The following COL4A2 variants were observed in gnomAD, a reference collection of about 807,000 sequenced individuals.
The protein encoded by COL4A2 is collagen type IV alpha 2 chain.
In COL4A2, 99 loss-of-function variants were observed where a neutral mutation model predicts 200.2. The observed-to-expected ratio is 0.49, with a 90% confidence interval of 0.42 to 0.58. The LOEUF (loss-of-function observed/expected upper bound fraction) is 0.58, where lower values mean the gene tolerates loss of function less well. COL4A2 is among the 20% of genes least tolerant of loss of function. The pLI, the probability that COL4A2 is intolerant of heterozygous loss-of-function variation, is 0.00. For synonymous variants in COL4A2, 897 were observed against 900.6 expected (o/e 1.00, Z 0.07); for missense variants, 1,950 against 2,314.1 (o/e 0.84, Z 3.23).
At chr13:110,397,226 C>T (rs1232824689) in intron 4 of COL4A2, among the ~76,000 whole-genome samples, 2 of 152,182 alleles carry the variant, frequency 1.3e-5, no homozygotes, top group Admixed American at 6.5e-5. Context: ...CTTACAAATG[C>T]GTCAGAACAG....
chr13:110,324,249 A>G (rs939709214), intron 3 of COL4A2, among the ~76,000 whole-genome samples: 10 of 152,166 alleles, frequency 6.6e-5, no homozygotes, highest in African/African-American at 2.2e-4. Flanking sequence ...ACTCAGCTTC[A>G]TGGGCGTCAA....
chr13:110,401,500 C>T (rs1251098864), intron 4 of COL4A2, among the ~76,000 whole-genome samples: 1 of 149,974 alleles, frequency 6.7e-6, no homozygotes, highest in East Asian at 1.9e-4. Flanking sequence ...ACAAAACTTA[C>T]TTTTAAAAAG....
At chr13:110,440,800 C>G (rs1189708466) in intron 16 of COL4A2, among the ~76,000 whole-genome samples, 3 of 152,144 alleles carry the variant, frequency 2.0e-5, no homozygotes, top group Non-Finnish European at 4.4e-5. Flanking sequence ...TCCCCAGACA[C>G]CACCACTGAC....
chr13:110,444,086 G>A (rs1881234924), intron 16 of COL4A2, among the ~76,000 whole-genome samples: 1 of 152,130 alleles, frequency 6.6e-6, no homozygotes, highest in Non-Finnish European at 1.5e-5. Context: ...TTTGGCTCTT[G>A]GGGTTCCAGC....
chr13:110,490,133 T>TG (rs1428573027), intron 36 of COL4A2, among the ~76,000 whole-genome samples: 4 of 152,134 alleles, frequency 2.6e-5, no homozygotes, highest in Non-Finnish European at 5.9e-5. Context: ...AGGTGGTCGC[T>TG]GACCCGAGCT....
In COL4A2 at chr13:110,489,492, C is replaced by T. The variant is rs775013466; in HGVS notation, c.3255C>T (p.Gly1085=). ...PGRAGLYGEI[G]ATGDFGDIGD... is the part of the protein sequence containing the mutation. ...GAGCAGGCCTGTATGGCGAGATTGG[C>T]GCGACTGGTGATTTCGGTGAGTGTT... Residue 1085 remains glycine, a synonymous_variant, in exon 35 of 48, where the codon GGC becomes GGT. Transcript: ENST00000360467. The T allele has an allele frequency of 6.2e-6, 10 of 1,614,050 alleles. No homozygotes were observed. The highest frequency in any genetic ancestry group is 1.3e-5 in the African/African-American group (1 of 74,920).
intron 4 of COL4A2, among the ~76,000 whole-genome samples, chr13:110,418,947 G>A (rs145672236): frequency 1.3e-3 from 196 of 152,302 alleles, no homozygotes; most frequent in African/African-American, 4.5e-3. Flanking sequence ...AATTTTGGCC[G>A]GTGGAATTAT....
rs1312146405 is a variant in COL4A2 at position 110,357,666 on chromosome 13, A to T, written c.180+114A>T. 2.1e-6 allele frequency: 3 copies of T among 1,452,630 alleles called. No homozygotes were observed. In the African/African-American group the frequency reaches 4.2e-5, roughly 20 times the overall value. The allele number at this position is 1,452,630 out of a possible 1,614,324, so 90.0% of individuals were successfully genotyped here. On this transcript the variant is annotated intron_variant, in intron 4 of 47. Coordinates refer to ENST00000360467, the MANE Select transcript of COL4A2 (RefSeq NM_001846.4). ...GCTGGGCAGTTTCATCATTGCTTGA[A>T]CATACTGGAGAGTACTCACACAAAC... is the stretch of plus-strand genomic sequence containing the variant.
intron 28 of COL4A2, 22 bp from the exon 29 acceptor site, chr13:110,472,907 G>C (rs1245528491): frequency 1.7e-5 from 26 of 1,546,026 alleles, no homozygotes; most frequent in Non-Finnish European, 2.1e-5. Flanking sequence ...GTGGTTTGGG[G>C]CCCACCCATG....
chr13:110,466,324 C>T (rs537350113), intron 26 of COL4A2, among the ~76,000 whole-genome samples: 1 of 152,176 alleles, frequency 6.6e-6, no homozygotes, highest in African/African-American at 2.4e-5. Flanking sequence ...TCCAACTCAG[C>T]TCCACAGGCA....
intron 4 of COL4A2, among the ~76,000 whole-genome samples, chr13:110,381,851 T>G (rs973186502): frequency 6.6e-6 from 1 of 152,238 alleles, no homozygotes; most frequent in African/African-American, 2.4e-5. Flanking sequence ...GTGGTGGTGA[T>G]GATAACCCCA....
chr13:110,383,662 T>C (rs1397303586), intron 4 of COL4A2, among the ~76,000 whole-genome samples: 2 of 143,962 alleles, frequency 1.4e-5, no homozygotes, highest in Non-Finnish European at 3.0e-5. Flanking sequence ...GTCACCCAGG[T>C]TTGAGTGCAG....
intron 4 of COL4A2, among the ~76,000 whole-genome samples, chr13:110,398,450 G>A (rs1879256500): frequency 6.6e-6 from 1 of 152,138 alleles, no homozygotes; most frequent in African/African-American, 2.4e-5. Context: ...GTTGAGGTCG[G>A]GAGTTCAAGA....
At chr13:110,355,616 G>GT (rs1390340796) in intron 3 of COL4A2, among the ~76,000 whole-genome samples, 2 of 65,786 alleles carry the variant, frequency 3.0e-5, no homozygotes, top group African/African-American at 1.4e-4. Flanking sequence ...GTGTGTGTGG[G>GT]GGAGGGCTGC....
At chr13:110,318,628 CGA>C (rs1885205018) in intron 3 of COL4A2, among the ~76,000 whole-genome samples, 1 of 152,128 alleles carries the variant, frequency 6.6e-6, no homozygotes, top group African/African-American at 2.4e-5. Flanking sequence ...GATGTTGGTG[CGA>C]GTATTCAACT....
At chr13:110,441,649 AC>A (rs1881126964) in intron 16 of COL4A2, among the ~76,000 whole-genome samples, 1 of 152,206 alleles carries the variant, frequency 6.6e-6, no homozygotes, top group African/African-American at 2.4e-5. Context: ...TTGTAAAGGG[AC>A]AGAGGCTAAA....
chr13:110,327,925 G>T (rs1393138924), intron 3 of COL4A2, among the ~76,000 whole-genome samples: 1 of 152,198 alleles, frequency 6.6e-6, no homozygotes, highest in Non-Finnish European at 1.5e-5. Flanking sequence ...TCTTAGTAAA[G>T]TCTAAATAAG....
chr13:110,407,115 AT>A lies in COL4A2; in HGVS notation c.181-17617del, dbSNP rs564810492. On this transcript the variant is annotated intron_variant, in intron 4 of 47. Transcript: ENST00000360467. Reference sequence around the variant, plus strand: ...ATATAAACCCGGTGGGATGGAGGAGATTATTTCAAATAATTGATATTTACTT... The same window carrying A: ...ATATAAACCCGGTGGGATGGAGGAGATATTTCAAATAATTGATATTTACTT... 2.7e-3 allele frequency among the ~76,000 whole-genome samples: 412 copies of A among 152,252 alleles called. 3 individuals are homozygous for A. The highest frequency in any genetic ancestry group is 9.4e-3 in the African/African-American group (391 of 41,558).
At position 110,472,572 on chromosome 13, in the gene COL4A2, A is replaced by G. The variant is rs138157737; in HGVS notation, c.2204-357A>G. Reference sequence around the variant, plus strand: ...CATCCCGAAGTGCTGTTCCTCACTCAGCACAACCTAGAAGGTCCCACAAAA... The same window carrying G: ...CATCCCGAAGTGCTGTTCCTCACTCGGCACAACCTAGAAGGTCCCACAAAA... On this transcript the variant is annotated intron_variant, in intron 28 of 47. Coordinates refer to ENST00000360467, the MANE Select transcript of COL4A2 (RefSeq NM_001846.4). Among the ~76,000 whole-genome samples the G allele has an allele frequency of 5.9e-3, 901 of 152,134 alleles. 8 individuals carry two copies. Among genetic ancestry groups the G allele is most frequent in the Non-Finnish European group, 9.0e-3 (609 of 67,996 alleles).
Sources: gnomAD v4.1 joint callset for allele counts (sites outside exome capture counted in the v4.1 genomes callset) on GRCh38, gnomAD v4.1.1 for gene constraint, MANE v1.5 for transcripts, NCBI Gene and HGNC (gene_info 2026-07-23, HGNC 2026-07-21) for gene names.